CNOT9: variants seen among roughly 807,000 people sequenced by gnomAD.
CNOT9 encodes CCR4-NOT transcription complex subunit 9, also known as RCD1 required for cell differentiation1 homolog.
A neutral mutation model predicts 37.4 loss-of-function variants in CNOT9; 8 were observed. That is an observed-to-expected ratio of 0.21 (90% CI 0.13 to 0.39). The LOEUF (loss-of-function observed/expected upper bound fraction) is 0.39, where lower values mean the gene tolerates loss of function less well. Among genes scored for constraint, CNOT9 ranks in the 10% least tolerant of loss-of-function variants. The pLI is 1.00. For synonymous variants in CNOT9, 120 were observed against 137.6 expected, an observed-to-expected ratio of 0.87 and a Z score of 0.90; for missense variants, 154 against 365.3, an observed-to-expected ratio of 0.42 and a Z score of 4.71.
In CNOT9 at chr2:218,592,549, G is replaced by A; in HGVS notation, c.640-67G>A. On this transcript the variant is annotated intron_variant, in intron 6 of 7. Coordinates refer to ENST00000273064, the MANE Select transcript of CNOT9 (RefSeq NM_005444.3). This position sits in a 1 kb window ranked among gnomAD's most constrained non-coding sequence, Gnocchi z 4.1. ...ATTCTTGGACTATCTGATCTCTGAT[G>A]TCAATTAGAATTTGTTTGTGTTTTG... 4 of 1,541,972 alleles carry A rather than the reference G, an allele frequency of 2.6e-6. No individual in the cohort carries two copies. Among genetic ancestry groups the A allele is most frequent in the Non-Finnish European group, 3.6e-6 (4 of 1,114,262 alleles).
chr2:218,589,260 G>T (rs548571154), intron 5 of CNOT9: 1 of 151,916 alleles, frequency 6.6e-6, no homozygotes, highest in East Asian at 1.9e-4. Flanking sequence ...TTCGCACAGG[G>T]GCCACACTAA....
At chr2:218,579,806 A>G (rs559905566) in intron 1 of CNOT9, among the ~76,000 whole-genome samples, 1 of 150,482 alleles carries the variant, frequency 6.6e-6, no homozygotes, top group East Asian at 2.0e-4. Flanking sequence ...GCATTTATTT[A>G]TTTATTTATT....
intron 3 of CNOT9, among the ~76,000 whole-genome samples, chr2:218,584,138 G>A (rs984194210): frequency 1.3e-5 from 2 of 152,140 alleles, no homozygotes; most frequent in African/African-American, 4.8e-5. Context: ...ATCCACAATT[G>A]GATATTTTAA....
chr2:218,583,869 A>G (rs961669212), intron 3 of CNOT9, among the ~76,000 whole-genome samples: 1 of 152,258 alleles, frequency 6.6e-6, no homozygotes, highest in African/African-American at 2.4e-5. Flanking sequence ...ATAAAATAAT[A>G]GACTGATTTC....
intron 2 of CNOT9, among the ~76,000 whole-genome samples, chr2:218,581,607 A>G (rs1694380533): frequency 6.6e-6 from 1 of 152,228 alleles, no homozygotes; most frequent in Non-Finnish European, 1.5e-5. Context: ...TACAATAACA[A>G]TACCAAAATA....
Position 218,594,105 on chromosome 2 carries a change from T to G in CNOT9, c.732-3T>G. The stretch of plus-strand genomic sequence containing the variant: ...CTGGTTGGTTTGTTTGTTTCTGATG[T>G]AGGGCACGTGAAGCACTCAGACAGT... On this transcript the variant is annotated splice_polypyrimidine_tract_variant and splice_region_variant and intron_variant, in intron 7 of 7. Transcript: ENST00000273064. 6.2e-7 allele frequency: 1 copy of G among 1,614,134 alleles called. No homozygotes were observed. Among genetic ancestry groups the G allele is most frequent in the Non-Finnish European group, 8.5e-7 (1 of 1,179,962 alleles).
intron 2 of CNOT9, among the ~76,000 whole-genome samples, chr2:218,582,265 G>A (rs981355137): frequency 1.3e-5 from 2 of 152,038 alleles, no homozygotes; most frequent in African/African-American, 4.8e-5. Context: ...ACACTTTCTG[G>A]CCAGTGATCT....
chr2:218,568,872 T>A lies in CNOT9; in HGVS notation c.-83T>A. ...GTCGGATGGCGGCTACGGCGGCTCA[T>A]TGTTTTCCGCTGCAGGGGTGCTGAA... On this transcript the variant is annotated 5_prime_UTR_variant, in exon 1 of 8. The change creates a new upstream start codon in the 5' untranslated region. Transcript: ENST00000273064. The A allele has an allele frequency of 6.7e-7, 1 of 1,497,572 alleles. No individual in the cohort carries two copies. Among genetic ancestry groups the A allele is most frequent in the Non-Finnish European group, 9.1e-7 (1 of 1,099,640 alleles). The allele number at this position is 1,497,572 out of a possible 1,614,324, so 92.8% of individuals were successfully genotyped here.
At chr2:218,582,665 G>A (rs71415844) in intron 2 of CNOT9, among the ~76,000 whole-genome samples, 8,560 of 151,848 alleles carry the variant, frequency 0.056, 351 homozygotes, top group East Asian at 0.12. Context: ...ACTCCAGCCC[G>A]GGTAACAGAG....
At chr2:218,582,862 C>G in intron 2 of CNOT9, 109 bp from the exon 3 acceptor site, 1 of 643,506 alleles carries the variant, frequency 1.6e-6, no homozygotes, top group Non-Finnish European at 2.7e-6. Context: ...TTAAAAGATG[C>G]ACAGAATTAA....
At chr2:218,587,104 T>A (rs778991386) in intron 4 of CNOT9, among the ~76,000 whole-genome samples, 1 of 152,168 alleles carries the variant, frequency 6.6e-6, no homozygotes, top group Non-Finnish European at 1.5e-5. Flanking sequence ...GGTCAGTTGA[T>A]TTTTGACAAA....
rs1431248644 is a variant in CNOT9, at chr2:218,596,408, C to G, written c.*2132C>G. On this transcript the variant is annotated 3_prime_UTR_variant, in exon 8 of 8. Coordinates refer to ENST00000273064, the MANE Select transcript of CNOT9 (RefSeq NM_005444.3). ...CTCCCTTAACAGGATTGAAATAAAA[C>G]ATGCTTCTGTTTTTGTAAAAATAAT... The G allele has an allele frequency of 6.6e-6, 1 of 152,140 alleles. No individual in the cohort carries two copies. The highest frequency in any genetic ancestry group is 1.5e-5 in the Non-Finnish European group (1 of 68,016). 9.4% of individuals were successfully genotyped at this position (152,140 alleles called of 1,614,324 possible). A position where few individuals can be genotyped will look rare whatever the true frequency, so the allele number is the denominator to read the frequency against.
chr2:218,580,894 TAA>T, intron 2 of CNOT9, 154 bp downstream of exon 2: 1 of 748,748 alleles, frequency 1.3e-6, no homozygotes. Flanking sequence ...AGGTATTTGT[TAA>T]AATGCAGATT....
At chr2:218,575,466 T>TCAGGCTGGAGTACAGTG (rs1376243514) in intron 1 of CNOT9, among the ~76,000 whole-genome samples, 2 of 142,506 alleles carry the variant, frequency 1.4e-5, no homozygotes, top group Non-Finnish European at 1.6e-5. Flanking sequence ...AGTACAGTGG[T>TCAGGCTGGAGTACAGTG]GCAATCTCCG....
intron 4 of CNOT9, 181 bp from the exon 5 acceptor site, chr2:218,587,405 G>C: frequency 8.3e-7 from 1 of 1,199,542 alleles, no homozygotes; most frequent in Non-Finnish European, 1.0e-6. Flanking sequence ...TTACAGGTGT[G>C]AGCTACTGCG....
rs1432801585 is a variant in CNOT9 at position 218,574,045 on chromosome 2, C to T, written c.24+5067C>T. The T allele has an allele frequency of 1.4e-5, 6 of 432,054 alleles. No individual in the cohort carries two copies. In the Admixed American group the frequency reaches 1.5e-4, roughly 11 times the overall value. The allele number at this position is 432,054 out of a possible 1,614,324, so 26.8% of individuals were successfully genotyped here. On this transcript the variant is annotated intron_variant, in intron 1 of 7. Coordinates refer to ENST00000273064, the MANE Select transcript of CNOT9 (RefSeq NM_005444.3). ...AGTGCAGTGGTGTGATCTTGGCTCA[C>T]CGCAACCTCGACCTTCTGGGTTCAG... is the stretch of plus-strand genomic sequence containing the variant.
chr2:218,590,024 C>A (rs1030823167), intron 5 of CNOT9, among the ~76,000 whole-genome samples: 1 of 151,182 alleles, frequency 6.6e-6, no homozygotes, highest in Non-Finnish European at 1.5e-5. Flanking sequence ...ATGCTGGAAT[C>A]CTGAGTTGGT....
intron 2 of CNOT9, among the ~76,000 whole-genome samples, chr2:218,581,412 C>T (rs1467954681): frequency 6.6e-6 from 1 of 151,770 alleles, no homozygotes; most frequent in Non-Finnish European, 1.5e-5. Flanking sequence ...CCTCGTGATC[C>T]ACCCACCTTG....
rs1694121095 is a variant in CNOT9, at chr2:218,575,086, G to T, written c.25-5475G>T. 2.0e-5 allele frequency among the ~76,000 whole-genome samples: 3 copies of T among 152,116 alleles called. No individual in the cohort carries two copies. In the South Asian group the frequency reaches 6.2e-4, roughly 32 times the overall value. ...TTCACTTTAACAATGAGAAAATTGAGGTTTGGAAAGTTAAATGACTTATCC... is the reference window on the plus strand; with the variant it reads ...TTCACTTTAACAATGAGAAAATTGATGTTTGGAAAGTTAAATGACTTATCC... On this transcript the variant is annotated intron_variant, in intron 1 of 7. Coordinates refer to ENST00000273064, the MANE Select transcript of CNOT9 (RefSeq NM_005444.3).
Sources: gnomAD v4.1 joint callset for allele counts (sites outside exome capture counted in the v4.1 genomes callset) on GRCh38, gnomAD v4.1.1 for gene constraint, Gnocchi (gnomAD v3.1) non-coding constraint, MANE v1.5 for transcripts, NCBI Gene and HGNC (gene_info 2026-07-23, HGNC 2026-07-21) for gene names.